The following IKBKB-DT variants were observed in gnomAD, a reference collection of about 807,000 sequenced individuals.
IKBKB-DT encodes IKBKB divergent transcript.
chr8:42,252,379 C>T (rs1246524981), intron 3 of IKBKB-DT, among the ~76,000 whole-genome samples: 1 of 152,130 alleles, frequency 6.6e-6, no homozygotes, highest in Non-Finnish European at 1.5e-5. Context: ...CTTTCTTTTG[C>T]CTATTAAACC....
chr8:42,263,659 G>A (rs1807323885), intron 2 of IKBKB-DT, among the ~76,000 whole-genome samples: 1 of 152,278 alleles, frequency 6.6e-6, no homozygotes, highest in East Asian at 1.9e-4. Context: ...CAGTTATGGG[G>A]TGGTGTCCAG....
intron 3 of IKBKB-DT, among the ~76,000 whole-genome samples, chr8:42,237,696 T>C (rs1177770017): frequency 2.6e-5 from 4 of 151,922 alleles, no homozygotes; most frequent in Admixed American, 2.6e-4. Flanking sequence ...GGGGATCTGC[T>C]CCTCTCTTCT....
chr8:42,235,910 G>T (rs1806913928), intron 3 of IKBKB-DT, among the ~76,000 whole-genome samples: 1 of 152,000 alleles, frequency 6.6e-6, no homozygotes, highest in African/African-American at 2.4e-5. Flanking sequence ...ATGGTGGCGG[G>T]CACCTGTTGA....
At chr8:42,239,802 C>A (rs1311118791) in intron 3 of IKBKB-DT, among the ~76,000 whole-genome samples, 4 of 150,842 alleles carry the variant, frequency 2.7e-5, no homozygotes, top group African/African-American at 4.9e-5. Flanking sequence ...CCACCCACAG[C>A]TAATTTTTGT....
chr8:42,253,136 T>C (rs1352339823), intron 3 of IKBKB-DT, among the ~76,000 whole-genome samples: 2 of 152,204 alleles, frequency 1.3e-5, no homozygotes, highest in African/African-American at 4.8e-5. Flanking sequence ...GGGCAGCCAC[T>C]ATAAGACTTC....
At chr8:42,249,937 G>T (rs901485882) in intron 3 of IKBKB-DT, among the ~76,000 whole-genome samples, 5 of 151,980 alleles carry the variant, frequency 3.3e-5, no homozygotes, top group Non-Finnish European at 7.4e-5. Flanking sequence ...AAAAAATTCA[G>T]CTGGGTGTGG....
intron 3 of IKBKB-DT, among the ~76,000 whole-genome samples, chr8:42,254,336 T>C (rs1807166225): frequency 6.6e-6 from 1 of 152,254 alleles, no homozygotes; most frequent in Admixed American, 6.5e-5. Flanking sequence ...CTTGCCCTGA[T>C]TAAGTGCAAC....
chr8:42,264,337 G>T (rs1807338360), intron 2 of IKBKB-DT, among the ~76,000 whole-genome samples: 3 of 151,472 alleles, frequency 2.0e-5, no homozygotes, highest in Non-Finnish European at 2.9e-5. Context: ...TGATTTTTTT[G>T]TAGAGATGGG....
chr8:42,248,709 T>C (rs767454112), intron 3 of IKBKB-DT, among the ~76,000 whole-genome samples: 8 of 151,806 alleles, frequency 5.3e-5, no homozygotes, highest in Non-Finnish European at 8.8e-5. Context: ...TGAAACCCTG[T>C]CTCTACTGAA....
At chr8:42,261,452 T>C (rs1013427424) in intron 3 of IKBKB-DT, among the ~76,000 whole-genome samples, 7 of 152,162 alleles carry the variant, frequency 4.6e-5, no homozygotes, top group Non-Finnish European at 8.8e-5. Flanking sequence ...TAATTACCTC[T>C]AGCAGCCACT....
At chr8:42,259,108 C>T (rs1248005939) in intron 3 of IKBKB-DT, among the ~76,000 whole-genome samples, 3 of 152,134 alleles carry the variant, frequency 2.0e-5, no homozygotes, top group Non-Finnish European at 4.4e-5. Flanking sequence ...TCACCGCAAC[C>T]TCTGCCTCTC....
At chr8:42,255,658 T>C (rs1030208825) in intron 3 of IKBKB-DT, 5 of 152,202 alleles carry the variant, frequency 3.3e-5, no homozygotes, top group Non-Finnish European at 5.9e-5. Flanking sequence ...CCAGTCAACG[T>C]CTTAGCAATA....
intron 3 of IKBKB-DT, among the ~76,000 whole-genome samples, chr8:42,236,193 G>T (rs543753733): frequency 1.3e-5 from 2 of 151,204 alleles, no homozygotes; most frequent in South Asian, 4.2e-4. Context: ...TAGAGATGGG[G>T]TCTTGCCATG....
chr8:42,257,533 G>T (rs1298469238), intron 3 of IKBKB-DT, among the ~76,000 whole-genome samples: 1 of 151,864 alleles, frequency 6.6e-6, no homozygotes, highest in Non-Finnish European at 1.5e-5. Flanking sequence ...TAAAAAAGAA[G>T]AAAGACAAGT....
intron 3 of IKBKB-DT, chr8:42,233,964 G>A (rs1408389888): frequency 6.6e-6 from 1 of 152,180 alleles, no homozygotes; most frequent in Non-Finnish European, 1.5e-5. Flanking sequence ...GAGCCATTTA[G>A]GGAGGGTCAG....
intron 1 of IKBKB-DT, among the ~76,000 whole-genome samples, chr8:42,267,045 G>C (rs1807382336): frequency 6.8e-6 from 1 of 147,768 alleles, no homozygotes; most frequent in Non-Finnish European, 1.5e-5. Flanking sequence ...CTGTCGCCCA[G>C]GTTGGAGTAC....
At chr8:42,254,830 G>A (rs1807174819) in intron 3 of IKBKB-DT, among the ~76,000 whole-genome samples, 1 of 150,654 alleles carries the variant, frequency 6.6e-6, no homozygotes, top group African/African-American at 2.4e-5. Flanking sequence ...GAAGTGAGGT[G>A]CCCCTCTGCC....
chr8:42,245,122 G>A (rs1342705918), intron 3 of IKBKB-DT, among the ~76,000 whole-genome samples: 2 of 152,112 alleles, frequency 1.3e-5, no homozygotes, highest in Non-Finnish European at 2.9e-5. Flanking sequence ...AGGCGTGGTG[G>A]CACGTGCCTG....
intron 3 of IKBKB-DT, among the ~76,000 whole-genome samples, chr8:42,248,148 A>G (rs60019750): frequency 6.6e-6 from 1 of 151,928 alleles, no homozygotes; most frequent in Non-Finnish European, 1.5e-5. Context: ...AAGTTTCCCG[A>G]GGCCTCCCCA....
Sources: allele counts gnomAD v4.1 joint callset (sites outside exome capture counted in the v4.1 genomes callset), GRCh38; gene constraint gnomAD v4.1.1; transcripts MANE v1.5; gene names NCBI Gene and HGNC (gene_info 2026-07-23, HGNC 2026-07-21).